The following NRXN3 variants were observed in gnomAD, a reference collection of about 807,000 sequenced individuals.
NRXN3 encodes the protein neurexin III.
In NRXN3, 32 loss-of-function variants were observed where a neutral mutation model predicts 137.6. The ratio of observed to expected loss-of-function variants is 0.23; its 90% CI spans 0.18 to 0.31. The LOEUF (loss-of-function observed/expected upper bound fraction) is 0.31, where lower values mean the gene tolerates loss of function less well. Ranked by LOEUF, NRXN3 falls within the 10% of genes least tolerant of loss-of-function variation. The pLI is 1.00. For missense variants in NRXN3, 1,574 were observed against 2,062.5 expected, an observed-to-expected ratio of 0.76 and a Z score of 4.59; for synonymous variants, 798 against 784.5, an observed-to-expected ratio of 1.02 and a Z score of -0.29.
At chr14:79,536,264 A>G (rs568650431) in intron 16 of NRXN3, among the ~76,000 whole-genome samples, 71 of 152,278 alleles carry the variant, frequency 4.7e-4, no homozygotes, top group African/African-American at 1.7e-3. Flanking sequence ...ATGGAAAACC[A>G]TAAGTACGTG....
chr14:78,338,955 C>A (rs1364589906), intron 4 of NRXN3, among the ~76,000 whole-genome samples: 1 of 152,158 alleles, frequency 6.6e-6, no homozygotes, highest in African/African-American at 2.4e-5. Context: ...CGGATCTAGG[C>A]TCCTGACTTT....
At chr14:79,037,045 AT>A (rs1473071840) in intron 15 of NRXN3, among the ~76,000 whole-genome samples, 2 of 152,002 alleles carry the variant, frequency 1.3e-5, no homozygotes, top group Admixed American at 6.6e-5. Flanking sequence ...ATGGGACCAT[AT>A]TTGTTTATAA....
At chr14:79,823,948 G>T in intron 20 of NRXN3, 1 of 442,324 alleles carries the variant, frequency 2.3e-6, no homozygotes, top group Non-Finnish European at 4.6e-6. Context: ...GCAGCAGTGG[G>T]CACAAGCTAT....
chr14:79,647,693 G>A (rs1462007978), intron 16 of NRXN3, among the ~76,000 whole-genome samples: 1 of 135,274 alleles, frequency 7.4e-6, no homozygotes, highest in African/African-American at 2.5e-5. Flanking sequence ...ATTACATTTT[G>A]GCAGGCACTT....
intron 15 of NRXN3, among the ~76,000 whole-genome samples, chr14:79,189,514 G>A (rs1375532471): frequency 2.6e-5 from 4 of 151,604 alleles, no homozygotes; most frequent in African/African-American, 9.7e-5. Flanking sequence ...TTGTGCACAT[G>A]TACCCTAGAA....
chr14:78,805,201 C>T (rs140414449), intron 9 of NRXN3, among the ~76,000 whole-genome samples: 117 of 152,016 alleles, frequency 7.7e-4, no homozygotes, highest in South Asian at 1.2e-3. Context: ...TTTACAGTAC[C>T]GTGCTCTTTT....
intron 15 of NRXN3, among the ~76,000 whole-genome samples, chr14:79,337,421 A>G (rs907045726): frequency 1.3e-5 from 2 of 152,200 alleles, no homozygotes; most frequent in Admixed American, 6.5e-5. Context: ...CCAAATGGCA[A>G]TCCCTCACAG....
intron 6 of NRXN3, among the ~76,000 whole-genome samples, chr14:78,705,073 C>T (rs1039395919): frequency 6.6e-6 from 1 of 152,188 alleles, no homozygotes; most frequent in Non-Finnish European, 1.5e-5. Context: ...ATAGTAAGAC[C>T]AGCTTGTCAC....
chr14:78,740,069 C>G (rs2098557674), intron 8 of NRXN3, among the ~76,000 whole-genome samples: 1 of 152,142 alleles, frequency 6.6e-6, no homozygotes, highest in African/African-American at 2.4e-5. Flanking sequence ...AGAGTTATCT[C>G]TTTATGCCAA....
At chr14:79,136,508 G>A (rs573394434) in intron 15 of NRXN3, among the ~76,000 whole-genome samples, 1 of 152,188 alleles carries the variant, frequency 6.6e-6, no homozygotes, top group Non-Finnish European at 1.5e-5. Context: ...TAATTTGCAA[G>A]TTAGAAGAGG....
At chr14:79,213,476 C>T (rs1175522036) in intron 15 of NRXN3, among the ~76,000 whole-genome samples, 1 of 152,044 alleles carries the variant, frequency 6.6e-6, no homozygotes, top group African/African-American at 2.4e-5. Context: ...ATTTTTAATA[C>T]ATTGTATCAC....
At chr14:78,414,848 T>C (rs1181386477) in intron 4 of NRXN3, among the ~76,000 whole-genome samples, 2 of 152,144 alleles carry the variant, frequency 1.3e-5, no homozygotes, top group Non-Finnish European at 1.5e-5. Context: ...ATATTTATAA[T>C]GAAGAAGTCT....
chr14:78,594,028 C>T (rs1248282231), intron 4 of NRXN3, among the ~76,000 whole-genome samples: 1 of 152,178 alleles, frequency 6.6e-6, no homozygotes, highest in East Asian at 1.9e-4. Context: ...CCAGGCCACC[C>T]CACCCAGAGC....
intron 19 of NRXN3, among the ~76,000 whole-genome samples, chr14:79,703,896 C>G (rs1163292962): frequency 2.0e-5 from 3 of 152,048 alleles, no homozygotes; most frequent in Non-Finnish European, 4.4e-5. Flanking sequence ...ATAAGGAAAC[C>G]ACTTCAACCT....
At chr14:79,248,304 A>T (rs1008873429) in intron 15 of NRXN3, among the ~76,000 whole-genome samples, 1 of 151,952 alleles carries the variant, frequency 6.6e-6, no homozygotes. Flanking sequence ...TTCTAGCCAT[A>T]CCCCATGACT....
At chr14:78,366,805 C>G (rs1040787059) in intron 4 of NRXN3, among the ~76,000 whole-genome samples, 1 of 152,198 alleles carries the variant, frequency 6.6e-6, no homozygotes, top group African/African-American at 2.4e-5. Context: ...CCTCCCATAA[C>G]AGGTGGGAAT....
chr14:79,694,371 TG>T (rs1366076267), intron 18 of NRXN3, among the ~76,000 whole-genome samples: 1 of 151,940 alleles, frequency 6.6e-6, no homozygotes, highest in Non-Finnish European at 1.5e-5. Flanking sequence ...GATGTCCAAA[TG>T]AGGTAATAAT....
chr14:78,753,052 ACCC>A (rs1195787036), intron 8 of NRXN3, among the ~76,000 whole-genome samples: 1 of 151,994 alleles, frequency 6.6e-6, no homozygotes, highest in Non-Finnish European at 1.5e-5. Flanking sequence ...AGATACAGTG[ACCC>A]CAGATGTCAA....
chr14:79,287,717 T>A (rs1018927507), intron 15 of NRXN3, among the ~76,000 whole-genome samples: 1 of 152,218 alleles, frequency 6.6e-6, no homozygotes, highest in African/African-American at 2.4e-5. Context: ...ATGGTCCTGA[T>A]ACATAGATTT....
Sources: gnomAD v4.1 joint callset for allele counts (sites outside exome capture counted in the v4.1 genomes callset) on GRCh38, gnomAD v4.1.1 for gene constraint, MANE v1.5 for transcripts, NCBI Gene and HGNC (gene_info 2026-07-23, HGNC 2026-07-21) for gene names.